Variants in DNAH6 observed in about 807,000 individuals in gnomAD.
DNAH6 encodes the protein dynein axonemal heavy chain 6, also known as axonemal beta dynein heavy chain 6.
In DNAH6, 340 loss-of-function variants were observed where a neutral mutation model predicts 491.4. The ratio of observed to expected loss-of-function variants is 0.69; its 90% confidence interval spans 0.63 to 0.76. The LOEUF is 0.76. DNAH6 is among the 30% of genes least tolerant of loss of function. The pLI, the probability that DNAH6 is intolerant of heterozygous loss-of-function variation, is 0.00. For missense variants in DNAH6, 4,443 were observed against 4,972.2 expected, an observed-to-expected ratio of 0.89 and a Z score of 3.20; for synonymous variants, 1,603 against 1,686.1, an observed-to-expected ratio of 0.95 and a Z score of 1.21.
chr2:84,634,670 G>A, intron 30 of DNAH6, 29 bp downstream of exon 30: 1 of 1,471,438 alleles, frequency 6.8e-7, no homozygotes, highest in Non-Finnish European at 9.0e-7. Flanking sequence ...GACTTTCAAG[G>A]TAGCAATCCT....
chr2:84,657,806 A>G (rs1691120359), intron 35 of DNAH6, among the ~76,000 whole-genome samples: 1 of 151,960 alleles, frequency 6.6e-6, no homozygotes, highest in South Asian at 2.1e-4. Flanking sequence ...TATACCTTTT[A>G]TTTCCTTTTA....
rs1225703911 is a variant in DNAH6, at chr2:84,624,251, T to C, written c.4072-14T>C. 3 of 1,529,588 alleles carry C rather than the reference T, an allele frequency of 2.0e-6. No homozygotes were observed. The highest frequency in any genetic ancestry group is 2.6e-6 in the Non-Finnish European group (3 of 1,140,530). The allele number at this position is 1,529,588 out of a possible 1,614,324, so 94.8% of individuals were successfully genotyped here. A position where few individuals can be genotyped will look rare whatever the true frequency, so the allele number is the denominator to read the frequency against. On this transcript the variant is annotated splice_polypyrimidine_tract_variant and intron_variant, in intron 26 of 76. Coordinates refer to ENST00000389394, the MANE Select transcript of DNAH6 (RefSeq NM_001370.2). Reference sequence around the variant, plus strand: ...TATTGGAAAATTCACCATGACAATTTTTTTTATTTGTAGAGATTAAATGCC... The same window carrying C: ...TATTGGAAAATTCACCATGACAATTCTTTTTATTTGTAGAGATTAAATGCC...
At chr2:84,739,950 C>G (rs1370872551) in intron 62 of DNAH6, among the ~76,000 whole-genome samples, 1 of 151,486 alleles carries the variant, frequency 6.6e-6, no homozygotes, top group South Asian at 2.1e-4. Context: ...ATGAAACACT[C>G]TGTCTTTTTG....
At chr2:84,595,828 G>T in intron 18 of DNAH6, 39 bp downstream of exon 18, 1 of 1,509,644 alleles carries the variant, frequency 6.6e-7, no homozygotes, top group Non-Finnish European at 8.9e-7. Flanking sequence ...CTGTAGGCCA[G>T]TTGGTTATTA....
At chr2:84,674,171 C>A (rs899228357) in intron 40 of DNAH6, among the ~76,000 whole-genome samples, 5 of 152,166 alleles carry the variant, frequency 3.3e-5, no homozygotes, top group African/African-American at 1.2e-4. Flanking sequence ...AACATCCCTA[C>A]AAGATGGATA....
chr2:84,674,365 G>A (rs908138390), intron 40 of DNAH6, among the ~76,000 whole-genome samples: 2 of 152,244 alleles, frequency 1.3e-5, no homozygotes, highest in East Asian at 3.9e-4. Context: ...CAGTTCCCTG[G>A]GAAATCCAGG....
chr2:84,636,646 C>T (rs1688902723), intron 30 of DNAH6, among the ~76,000 whole-genome samples: 1 of 152,174 alleles, frequency 6.6e-6, no homozygotes, highest in Non-Finnish European at 1.5e-5. Context: ...CTCAACAACT[C>T]AGACTAAGAT....
intron 61 of DNAH6, among the ~76,000 whole-genome samples, chr2:84,730,564 C>A (rs1699038666): frequency 6.6e-6 from 1 of 151,220 alleles, no homozygotes. Context: ...AAAAAAAAAT[C>A]TCAAAAAAAA....
In DNAH6 at chr2:84,819,349, C is replaced by T. The variant is rs761433954; in HGVS notation, c.12418C>T (p.Arg4140Trp). ...FVVTVLLPSK[R>W]SKDYWIAKGS... ...GGTAACCGTCCTGTTACCCTCCAAG[C>T]GGTCCAAAGACTACTGGATTGCCAA... The change falls in exon 77 of 77, where the codon CGG becomes TGG. Residue 4140 changes from arginine (R) to tryptophan (W), a missense_variant. Transcript: ENST00000389394. 53 of 1,551,134 alleles carry T rather than the reference C, an allele frequency of 3.4e-5. No homozygotes were observed. Among genetic ancestry groups the T allele is most frequent in the Non-Finnish European group, 4.4e-5 (50 of 1,146,800 alleles).
At chr2:84,787,065 T>C in intron 67 of DNAH6, 99 bp from the exon 68 acceptor site, 2 of 856,392 alleles carry the variant, frequency 2.3e-6, no homozygotes, top group Non-Finnish European at 3.5e-6. Flanking sequence ...AGTGTGGGGA[T>C]GCCCATTTTC....
Position 84,733,568 on chromosome 2 carries a change from C to T in DNAH6, c.10331C>T (p.Ser3444Phe). 6.4e-7 allele frequency: 1 copy of T among 1,551,614 alleles called. No individual in the cohort carries two copies. The highest frequency in any genetic ancestry group is 8.7e-7 in the Non-Finnish European group (1 of 1,146,922). Reference sequence around the variant, plus strand: ...CAAAATATATTGTCACATCCTATTTCCATACGCTTAGGTAATGTGACAAAA... The same window carrying T: ...CAAAATATATTGTCACATCCTATTTTCATACGCTTAGGTAATGTGACAAAA... ...LTQNILSHPI[S>F]IRLGSFETYI... is the part of the protein sequence containing the mutation. The change falls in exon 62 of 77, where the codon TCC (serine) becomes TTC (phenylalanine). Residue 3444 changes from serine (S) to phenylalanine (F), a missense_variant. Ser to Phe is a radical substitution (Grantham distance 155, BLOSUM62 -2). This residue lies in a region of DNAH6 where 1,463 missense variants were observed against 1,656.6 expected (regional missense o/e 0.88). Transcript: ENST00000389394.
intron 4 of DNAH6, among the ~76,000 whole-genome samples, chr2:84,538,982 A>C (rs941180808): frequency 1.3e-5 from 2 of 152,104 alleles, no homozygotes; most frequent in African/African-American, 4.8e-5. Flanking sequence ...TTTTAAAAAA[A>C]CTTTAGAATT....
At position 84,815,956 on chromosome 2, in the gene DNAH6, C is replaced by G; in HGVS notation, c.12246C>G (p.Pro4082=). The change falls in exon 76 of 77, where the codon CCC becomes CCG. Residue 4082 remains proline, a synonymous_variant. Transcript: ENST00000389394. The part of the protein sequence containing the change: ...DKEMVIEDAL[P]GQMNPVLPVV... ...AGATGGTGATAGAAGATGCATTGCC[C>G]GGACAGATGAATCCAGTGCTGCCTG... The G allele has an allele frequency of 6.4e-7, 1 of 1,551,832 alleles. No homozygotes were observed. The highest frequency in any genetic ancestry group is 8.7e-7 in the Non-Finnish European group (1 of 1,147,064).
chr2:84,605,072 G>A (rs1287251023), intron 19 of DNAH6, among the ~76,000 whole-genome samples: 1 of 152,152 alleles, frequency 6.6e-6, no homozygotes, highest in Non-Finnish European at 1.5e-5. Context: ...GGCAGGCCAG[G>A]CGTGGTGGCT....
chr2:84,611,933 T>A (rs1356116289), intron 22 of DNAH6, 79 bp downstream of exon 22: 1 of 1,274,914 alleles, frequency 7.8e-7, no homozygotes. Context: ...ACTAAAATGT[T>A]TCTCTGGGAA....
chr2:84,653,686 T>C lies in DNAH6; in HGVS notation c.5446T>C (p.Leu1816=). 1 of 1,551,304 alleles carries C rather than the reference T, an allele frequency of 6.4e-7. No homozygotes were observed. Among genetic ancestry groups the C allele is most frequent in the Non-Finnish European group, 8.7e-7 (1 of 1,146,722 alleles). Residue 1816 remains leucine (L), a synonymous_variant, in exon 34 of 77, where the codon TTG becomes CTG. Coordinates refer to ENST00000389394, the MANE Select transcript of DNAH6 (RefSeq NM_001370.2). ...CTTAACCTTGGAATGGAAAGATGGT[T>C]TGATGGCACTAAGTGTCCGAGCAGC... ...NNLTLEWKDG[L]MALSVRAAVN...
chr2:84,649,550 T>C (rs1374003465), intron 33 of DNAH6, among the ~76,000 whole-genome samples: 1 of 152,150 alleles, frequency 6.6e-6, no homozygotes, highest in Non-Finnish European at 1.5e-5. Flanking sequence ...CCCCTGGATA[T>C]AGGATTCTGG....
intron 29 of DNAH6, among the ~76,000 whole-genome samples, chr2:84,629,619 T>A (rs1046311483): frequency 6.6e-6 from 1 of 152,236 alleles, no homozygotes; most frequent in African/African-American, 2.4e-5. Flanking sequence ...TTTTAATATG[T>A]TATTGATACT....
At chr2:84,658,239 C>T in intron 35 of DNAH6, 53 bp from the exon 36 acceptor site, 1 of 1,267,942 alleles carries the variant, frequency 7.9e-7, no homozygotes, top group Admixed American at 3.1e-5. Context: ...TAATTCTAAA[C>T]TTAATTATAT....
Sources: gnomAD v4.1 joint callset for allele counts (sites outside exome capture counted in the v4.1 genomes callset) on GRCh38, gnomAD v4.1.1 for gene constraint, gnomAD v4.1.1 regional missense constraint, MANE v1.5 for transcripts, NCBI Gene and HGNC (gene_info 2026-07-23, HGNC 2026-07-21) for gene names.